USP34: variants seen among roughly 807,000 people sequenced by gnomAD.
USP34 encodes ubiquitin carboxyl-terminal hydrolase 34.
USP34 carries 70 observed loss-of-function variants against 460.3 expected under a neutral mutation model. The observed-to-expected ratio is 0.15, with a 90% CI of 0.13 to 0.19. USP34 has a LOEUF of 0.19. USP34 is among the 10% of genes least tolerant of loss of function. USP34 has a pLI of 1.00. For missense variants in USP34, 3,985 were observed against 4,236.2 expected, an observed-to-expected ratio of 0.94 and a Z score of 1.65; for synonymous variants, 1,647 against 1,405.3, an observed-to-expected ratio of 1.17 and a Z score of -3.85.
chr2:61,362,333 C>G (rs1692300001), intron 10 of USP34, among the ~76,000 whole-genome samples: 1 of 152,144 alleles, frequency 6.6e-6, no homozygotes, highest in Non-Finnish European at 1.5e-5. Context: ...AATGAAATCA[C>G]TATCTCAGAG....
At chr2:61,406,902 T>C (rs976633822) in intron 2 of USP34, among the ~76,000 whole-genome samples, 2 of 151,742 alleles carry the variant, frequency 1.3e-5, no homozygotes, top group African/African-American at 4.8e-5. Context: ...CCCAGCTACT[T>C]GGGAGGCTGA....
intron 27 of USP34, among the ~76,000 whole-genome samples, chr2:61,309,882 C>T (rs1186569177): frequency 6.6e-6 from 1 of 152,188 alleles, no homozygotes; most frequent in Non-Finnish European, 1.5e-5. Context: ...AGGCTGTATA[C>T]ATCTGTAGGG....
chr2:61,382,671 G>C (rs1693008656), intron 6 of USP34, among the ~76,000 whole-genome samples: 1 of 152,168 alleles, frequency 6.6e-6, no homozygotes, highest in Non-Finnish European at 1.5e-5. Flanking sequence ...AAAATATGCA[G>C]AATCCTGACA....
At chr2:61,405,678 C>T (rs762151208) in intron 3 of USP34, 30 bp downstream of exon 3, 3 of 1,496,354 alleles carry the variant, frequency 2.0e-6, no homozygotes, top group South Asian at 1.4e-5. Flanking sequence ...CTTGGTATTA[C>T]TTAAAATTCA....
At chr2:61,416,915 G>C (rs1694213773) in intron 2 of USP34, 3 of 1,056,028 alleles carry the variant, frequency 2.8e-6, no homozygotes, top group Non-Finnish European at 2.8e-6. Context: ...TTGTCCAGAG[G>C]GCCATGAATG....
rs1384539446 is a variant in USP34, at chr2:61,447,552, T to C, written c.43+23098A>G. ...ACAGATGTTTTATGAAAAAAGCAGC[T>C]AGCTCAGCTCACAACTCAAACCACT... On this transcript the variant is annotated intron_variant, in intron 1 of 79. Transcript: ENST00000398571. 2.6e-5 allele frequency among the ~76,000 whole-genome samples: 4 copies of C among 152,174 alleles called. No homozygotes were observed. In the South Asian group the frequency reaches 8.3e-4, roughly 32 times the overall value.
At chr2:61,349,733 C>T (rs1358963603) in intron 12 of USP34, among the ~76,000 whole-genome samples, 4 of 151,954 alleles carry the variant, frequency 2.6e-5, no homozygotes, top group Admixed American at 6.6e-5. Flanking sequence ...CCCAGCTACT[C>T]GGGAGGCTGA....
rs60558028 is a variant in USP34 at position 61,401,854 on chromosome 2, G to A, written c.552+3854C>T. 2.8e-3 allele frequency among the ~76,000 whole-genome samples: 418 copies of A among 150,236 alleles called. 1 individual carries two copies. The highest frequency in any genetic ancestry group is 9.5e-3 in the African/African-American group (389 of 40,960). ...ATTACAGGCATGAGCCACCGCGCCCGGCCCATTTTTATAATCTTTTTCCCT... is the reference window on the plus strand; with the variant it reads ...ATTACAGGCATGAGCCACCGCGCCCAGCCCATTTTTATAATCTTTTTCCCT... On this transcript the variant is annotated intron_variant, in intron 3 of 79. Transcript: ENST00000398571.
At chr2:61,247,173 A>G (rs959756983) in intron 49 of USP34, among the ~76,000 whole-genome samples, 7 of 152,348 alleles carry the variant, frequency 4.6e-5, no homozygotes, top group African/African-American at 1.7e-4. Flanking sequence ...AGAGTGGTCT[A>G]ATAAGTTTGA....
chr2:61,423,549 G>A (rs1694423233), intron 1 of USP34, among the ~76,000 whole-genome samples: 1 of 152,194 alleles, frequency 6.6e-6, no homozygotes, highest in Non-Finnish European at 1.5e-5. Context: ...TAAAGAAGAT[G>A]TAAATAAATG....
rs140583011 is a variant in USP34, at chr2:61,202,336, G to A, written c.9508+804C>T. On this transcript the variant is annotated intron_variant, in intron 75 of 79. Coordinates refer to ENST00000398571, the MANE Select transcript of USP34 (RefSeq NM_014709.4). Reference sequence around the variant, plus strand: ...GGTAGTAGTTCCGCAAGTATTTCACGTCCCACTCTGAAAACTATAGAACAT... The same window carrying A: ...GGTAGTAGTTCCGCAAGTATTTCACATCCCACTCTGAAAACTATAGAACAT... Among the ~76,000 whole-genome samples, 510 of 152,152 alleles carry A rather than the reference G, an allele frequency of 3.4e-3. 1 individual carries two copies. Among genetic ancestry groups the A allele is most frequent in the African/African-American group, 0.011 (439 of 41,506 alleles).
At chr2:61,194,947 C>CT (rs762988261) in intron 75 of USP34, among the ~76,000 whole-genome samples, 1 of 95,842 alleles carries the variant, frequency 1.0e-5, no homozygotes, top group African/African-American at 4.0e-5. Context: ...GAGTGAAACT[C>CT]TGTCAAAAAA....
At chr2:61,262,298 A>T (rs1572881517) in intron 43 of USP34, among the ~76,000 whole-genome samples, 1 of 151,770 alleles carries the variant, frequency 6.6e-6, no homozygotes, top group East Asian at 1.9e-4. Flanking sequence ...CCCAGGTAAT[A>T]ATAGTACCAA....
chr2:61,421,478 T>A (rs779074600), intron 1 of USP34, among the ~76,000 whole-genome samples: 2 of 152,242 alleles, frequency 1.3e-5, no homozygotes, highest in Non-Finnish European at 2.9e-5. Flanking sequence ...ATCATTTTAA[T>A]GGCTTTTACC....
intron 8 of USP34, among the ~76,000 whole-genome samples, chr2:61,372,141 A>G (rs549200179): frequency 2.0e-5 from 3 of 152,296 alleles, no homozygotes; most frequent in Admixed American, 6.5e-5. Context: ...GATAAACTGG[A>G]AAGATTAAGT....
Position 61,350,605 on chromosome 2 carries a change from A to T in USP34, c.1340T>A (p.Leu447Gln), listed in dbSNP as rs1444302936. 8 of 1,613,902 alleles carry T rather than the reference A, an allele frequency of 5.0e-6. No homozygotes were observed. The highest frequency in any genetic ancestry group is 1.7e-4 in the Middle Eastern group (1 of 6,058). The change falls in exon 11 of 80, where the codon CTG becomes CAG. Residue 447 changes from leucine (L) to glutamine (Q), a missense_variant. Leu to Gln is a moderately radical substitution (Grantham distance 113, BLOSUM62 -2). Around this residue, in one of 14 missense-constraint regions of USP34, gnomAD observed 716 missense variants for 626.2 expected, o/e 1.14. Coordinates refer to ENST00000398571, the MANE Select transcript of USP34 (RefSeq NM_014709.4). ...AACACTTGGCTCAAGAGCTGAGACC[A>T]GATTAAGTAGATGTCTAAGTGGTAC... ...DPVPLRHLLNLVSALEPSVHT... is the reference protein window; with the variant it reads ...DPVPLRHLLNQVSALEPSVHT...
intron 30 of USP34, among the ~76,000 whole-genome samples, chr2:61,295,741 C>T (rs1272615779): frequency 6.6e-6 from 1 of 152,158 alleles, no homozygotes; most frequent in Non-Finnish European, 1.5e-5. Context: ...TAATGTGCAT[C>T]TTTGAAATGC....
intron 18 of USP34, among the ~76,000 whole-genome samples, chr2:61,338,268 C>G (rs1254581022): frequency 1.3e-5 from 2 of 152,222 alleles, no homozygotes; most frequent in East Asian, 1.9e-4. Flanking sequence ...TTGCAGTAAG[C>G]CAAGATCACA....
At chr2:61,196,949 A>AT (rs1686827555) in intron 75 of USP34, among the ~76,000 whole-genome samples, 3 of 152,318 alleles carry the variant, frequency 2.0e-5, no homozygotes, top group Admixed American at 2.0e-4. Context: ...TTGAAGTGGT[A>AT]TTCTGTTATA....
Sources: gnomAD v4.1 joint callset for allele counts (sites outside exome capture counted in the v4.1 genomes callset) on GRCh38, gnomAD v4.1.1 for gene constraint, gnomAD v4.1.1 regional missense constraint, MANE v1.5 for transcripts, NCBI Gene and HGNC (gene_info 2026-07-23, HGNC 2026-07-21) for gene names.